The following STK32B variants were observed in gnomAD, a reference collection of about 807,000 sequenced individuals.
STK32B encodes serine/threonine-protein kinase 32B.
Under a neutral mutation model 52.6 loss-of-function variants are expected in STK32B, and 43 were observed. The observed-to-expected ratio is 0.82, with a 90% CI of 0.64 to 1.05. The LOEUF (loss-of-function observed/expected upper bound fraction) is 1.05, where lower values mean the gene tolerates loss of function less well. Among genes scored for constraint, STK32B ranks in the 50% least tolerant of loss-of-function variants. The probability of loss-of-function intolerance (pLI) is 0.00; values close to 1 mark genes in which losing one functional copy is unlikely to be tolerated. For missense variants in STK32B, 621 were observed against 534.6 expected (o/e 1.16, Z -1.59); for synonymous variants, 238 against 204.3 (o/e 1.17, Z -1.41).
chr4:5,085,458 G>A (rs7688088), intron 1 of STK32B, among the ~76,000 whole-genome samples: 5,999 of 152,204 alleles, frequency 0.039, 388 homozygotes, highest in African/African-American at 0.14. Flanking sequence ...TTCACCATGG[G>A]ATGCTGTAAT....
At chr4:5,083,620 G>T (rs190283263) in intron 1 of STK32B, among the ~76,000 whole-genome samples, 3 of 152,228 alleles carry the variant, frequency 2.0e-5, no homozygotes, top group Admixed American at 1.3e-4. Context: ...ATTATTCCCA[G>T]TATTCAGTAT....
At chr4:5,465,973 T>A (rs551481859) in intron 9 of STK32B, among the ~76,000 whole-genome samples, 1 of 152,258 alleles carries the variant, frequency 6.6e-6, no homozygotes, top group South Asian at 2.1e-4. Flanking sequence ...CCCAAGGAAG[T>A]CATGAAACTT....
chr4:5,070,696 TA>T (rs111538888), intron 1 of STK32B, among the ~76,000 whole-genome samples: 23,579 of 152,154 alleles, frequency 0.15, 2,067 homozygotes, highest in Non-Finnish European at 0.2. Context: ...AAGGATATGG[TA>T]AGAGTTCCTT....
intron 11 of STK32B, among the ~76,000 whole-genome samples, chr4:5,477,084 C>G: frequency 6.6e-6 from 1 of 152,136 alleles, no homozygotes; most frequent in East Asian, 1.9e-4. Flanking sequence ...ATTTGCTAAG[C>G]AGAGCAAGGA....
At chr4:5,359,786 C>T (rs868802356) in intron 4 of STK32B, among the ~76,000 whole-genome samples, 6 of 152,090 alleles carry the variant, frequency 3.9e-5, no homozygotes, top group Admixed American at 1.3e-4. Flanking sequence ...TCAGGAACAG[C>T]GAGCAGACCA....
chr4:5,238,214 A>T (rs1336528614), intron 3 of STK32B, among the ~76,000 whole-genome samples: 1 of 152,124 alleles, frequency 6.6e-6, no homozygotes, highest in African/African-American at 2.4e-5. Flanking sequence ...GTGTCAGCAG[A>T]GCTGTGCTTT....
intron 2 of STK32B, among the ~76,000 whole-genome samples, chr4:5,157,553 G>A (rs752811982): frequency 1.3e-5 from 2 of 152,154 alleles, no homozygotes; most frequent in African/African-American, 4.8e-5. Context: ...AATGGGCCAC[G>A]TGGGGATCTG....
At chr4:5,020,401 C>A in the STK32B span, among the ~76,000 whole-genome samples, 3 of 152,328 alleles carry the variant, frequency 2.0e-5, no homozygotes, top group East Asian at 5.8e-4. Context: ...TATAGCATGA[C>A]TGAGCAAGCC....
chr4:5,395,570 C>T lies in STK32B; in HGVS notation c.435-2637C>T, dbSNP rs1210099544. Among the ~76,000 whole-genome samples the T allele has an allele frequency of 6.6e-6, 1 of 152,182 alleles. No individual in the cohort carries two copies. The highest frequency in any genetic ancestry group is 1.9e-4 in the East Asian group (1 of 5,188). On this transcript the variant is annotated intron_variant, in intron 4 of 11. Coordinates refer to ENST00000282908, the MANE Select transcript of STK32B (RefSeq NM_018401.3). The surrounding 1 kb of genome is among the most constrained non-coding windows in gnomAD (Gnocchi z 4.4). Reference sequence around the variant, plus strand: ...ACAATCCTGCCATTGATTCATGTGCCTTCTGGTGTGCCTCTCTTCCTAGAA... The same window carrying T: ...ACAATCCTGCCATTGATTCATGTGCTTTCTGGTGTGCCTCTCTTCCTAGAA...
At chr4:5,316,325 T>G (rs867851008) in intron 3 of STK32B, among the ~76,000 whole-genome samples, 14 of 51,228 alleles carry the variant, frequency 2.7e-4, no homozygotes, top group East Asian at 6.3e-4. Flanking sequence ...ATATTATATA[T>G]TATATACAAT....
intron 4 of STK32B, among the ~76,000 whole-genome samples, chr4:5,346,440 G>C (rs924420119): frequency 2.0e-5 from 3 of 152,152 alleles, no homozygotes; most frequent in Non-Finnish European, 4.4e-5. Context: ...AGTGGAGTTT[G>C]TAAACAAACA....
intron 3 of STK32B, among the ~76,000 whole-genome samples, chr4:5,242,271 A>G (rs1725088430): frequency 6.6e-6 from 1 of 152,292 alleles, no homozygotes; most frequent in East Asian, 1.9e-4. Context: ...TCGCCATTCT[A>G]ACTGGTGTGA....
At position 5,386,791 on chromosome 4, in the gene STK32B, A is replaced by G. The variant is rs1405947613; in HGVS notation, c.435-11416A>G. ...GTTCCGGGTGGTGGCTGGACCCTCCATTGGGTCCAACTCTCGGATTCCAAT... is the reference window on the plus strand; with the variant it reads ...GTTCCGGGTGGTGGCTGGACCCTCCGTTGGGTCCAACTCTCGGATTCCAAT... On this transcript the variant is annotated intron_variant, in intron 4 of 11. Transcript: ENST00000282908. This position sits in a 1 kb window ranked among gnomAD's most constrained non-coding sequence, Gnocchi z 4.5. Among the ~76,000 whole-genome samples the G allele has an allele frequency of 6.6e-6, 1 of 152,160 alleles. No individual in the cohort carries two copies. The highest frequency in any genetic ancestry group is 1.5e-5 in the Non-Finnish European group (1 of 68,020).
chr4:5,093,260 A>T (rs2108785504), intron 1 of STK32B, among the ~76,000 whole-genome samples: 1 of 152,376 alleles, frequency 6.6e-6, no homozygotes, highest in East Asian at 1.9e-4. Flanking sequence ...CATTTATCAA[A>T]ACATACACAC....
intron 3 of STK32B, among the ~76,000 whole-genome samples, chr4:5,209,625 A>G (rs1341477845): frequency 6.6e-6 from 1 of 152,168 alleles, no homozygotes; most frequent in Non-Finnish European, 1.5e-5. Flanking sequence ...AAATTGCTTT[A>G]TCCCCTCAAC....
At chr4:5,129,624 T>C (rs1264581587) in intron 1 of STK32B, among the ~76,000 whole-genome samples, 1 of 152,214 alleles carries the variant, frequency 6.6e-6, no homozygotes, top group Non-Finnish European at 1.5e-5. Flanking sequence ...ATAATTATGT[T>C]AAATGTGAAC....
chr4:5,243,887 A>T (rs1352834427), intron 3 of STK32B, among the ~76,000 whole-genome samples: 1 of 152,128 alleles, frequency 6.6e-6, no homozygotes, highest in Non-Finnish European at 1.5e-5. Flanking sequence ...ATGTTTACTG[A>T]TGTTCGTATG....
At chr4:5,385,787 A>G (rs1197264132) in intron 4 of STK32B, among the ~76,000 whole-genome samples, 1 of 151,664 alleles carries the variant, frequency 6.6e-6, no homozygotes, top group Admixed American at 6.6e-5. Context: ...GCCCCCACAC[A>G]CACCCTCAAC....
intron 3 of STK32B, among the ~76,000 whole-genome samples, chr4:5,216,831 G>A (rs1723210471): frequency 6.6e-6 from 1 of 152,194 alleles, no homozygotes; most frequent in Admixed American, 6.5e-5. Flanking sequence ...GATATGAACA[G>A]ATTTGTTAGT....
Sources: gnomAD v4.1 joint callset for allele counts (sites outside exome capture counted in the v4.1 genomes callset) on GRCh38, gnomAD v4.1.1 for gene constraint, Gnocchi (gnomAD v3.1) non-coding constraint, MANE v1.5 for transcripts, NCBI Gene and HGNC (gene_info 2026-07-23, HGNC 2026-07-21) for gene names.